The following RAP1GDS1 variants were observed in gnomAD, a reference collection of about 807,000 sequenced individuals.
RAP1GDS1 encodes the protein Rap1 GTPase-GDP dissociation stimulator 1.
In RAP1GDS1, 35 loss-of-function variants were observed where a neutral mutation model predicts 71.1. The observed-to-expected ratio is 0.49, with a 90% CI of 0.38 to 0.65. The LOEUF (loss-of-function observed/expected upper bound fraction) is 0.65. Among genes scored for constraint, RAP1GDS1 ranks in the 30% least tolerant of loss-of-function variants. The probability of loss-of-function intolerance (pLI) is 0.00; values close to 1 mark genes in which losing one functional copy is unlikely to be tolerated. For missense variants in RAP1GDS1, 663 were observed against 706.1 expected, an observed-to-expected ratio of 0.94 and a Z score of 0.69; for synonymous variants, 229 against 243.1, an observed-to-expected ratio of 0.94 and a Z score of 0.54.
intron 5 of RAP1GDS1, among the ~76,000 whole-genome samples, chr4:98,381,188 T>C (rs965875887): frequency 6.6e-6 from 1 of 151,666 alleles, no homozygotes; most frequent in Admixed American, 6.6e-5. Context: ...TGAATATTAT[T>C]AGACAAATGG....
chr4:98,268,175 A>C (rs1722960550), intron 1 of RAP1GDS1, among the ~76,000 whole-genome samples: 1 of 152,202 alleles, frequency 6.6e-6, no homozygotes, highest in South Asian at 2.1e-4. Context: ...TACACAAATC[A>C]ATAAATGTGA....
intron 1 of RAP1GDS1, among the ~76,000 whole-genome samples, chr4:98,279,428 GTA>G (rs1409720813): frequency 6.6e-6 from 1 of 150,650 alleles, no homozygotes; most frequent in African/African-American, 2.4e-5. Context: ...ATATAAAAAA[GTA>G]TATAATTTCA....
intron 12 of RAP1GDS1, among the ~76,000 whole-genome samples, chr4:98,424,820 A>G (rs1298556672): frequency 1.3e-5 from 2 of 152,166 alleles, no homozygotes; most frequent in Admixed American, 1.3e-4. Context: ...ATTTGGGAGA[A>G]TAATCAAGGA....
chr4:98,376,224 A>G (rs1741162806), intron 4 of RAP1GDS1, among the ~76,000 whole-genome samples: 1 of 152,076 alleles, frequency 6.6e-6, no homozygotes, highest in Non-Finnish European at 1.5e-5. Context: ...GATGTAAATT[A>G]TATTTTTAGA....
chr4:98,369,079 G>A (rs1386832105), intron 4 of RAP1GDS1, among the ~76,000 whole-genome samples: 1 of 152,174 alleles, frequency 6.6e-6, no homozygotes, highest in East Asian at 1.9e-4. Flanking sequence ...AAGAGAGCTT[G>A]TGCAGGGGAA....
chr4:98,360,412 T>G (rs931010358), intron 4 of RAP1GDS1, among the ~76,000 whole-genome samples: 1 of 142,436 alleles, frequency 7.0e-6, no homozygotes, highest in African/African-American at 2.5e-5. Context: ...TTTCCTTTCC[T>G]CATTAAGAGG....
intron 12 of RAP1GDS1, among the ~76,000 whole-genome samples, chr4:98,428,614 A>G (rs910943593): frequency 2.0e-5 from 3 of 152,240 alleles, no homozygotes; most frequent in African/African-American, 7.2e-5. Context: ...ACTAATGATC[A>G]GGGAAATGCA....
At chr4:98,357,113 A>G (rs1445327591) in intron 4 of RAP1GDS1, among the ~76,000 whole-genome samples, 2 of 151,952 alleles carry the variant, frequency 1.3e-5, no homozygotes, top group Non-Finnish European at 2.9e-5. Context: ...GAAATTGCCA[A>G]AGTAATCAAA....
At chr4:98,281,624 G>A (rs1052247099) in intron 1 of RAP1GDS1, among the ~76,000 whole-genome samples, 2 of 152,080 alleles carry the variant, frequency 1.3e-5, no homozygotes, top group African/African-American at 4.8e-5. Context: ...TGACTGCCCT[G>A]GCGAGAACTT....
At chr4:98,385,948 C>G (rs568575349) in intron 5 of RAP1GDS1, among the ~76,000 whole-genome samples, 32 of 151,800 alleles carry the variant, frequency 2.1e-4, no homozygotes, top group African/African-American at 5.8e-4. Context: ...TAAATTTATA[C>G]TTACTGTAGA....
chr4:98,298,984 T>G (rs1339891474), intron 2 of RAP1GDS1, among the ~76,000 whole-genome samples: 1 of 152,216 alleles, frequency 6.6e-6, no homozygotes, highest in African/African-American at 2.4e-5. Flanking sequence ...GGTATACATG[T>G]GCCATGTTGG....
chr4:98,310,235 T>A (rs1730007430), intron 2 of RAP1GDS1, among the ~76,000 whole-genome samples: 1 of 152,098 alleles, frequency 6.6e-6, no homozygotes. Context: ...CATTGTGCTA[T>A]CTCACAATAA....
chr4:98,375,843 A>G lies in RAP1GDS1; in HGVS notation c.362-3174A>G, dbSNP rs142543662. Among the ~76,000 whole-genome samples the G allele has an allele frequency of 7.9e-5, 12 of 152,280 alleles. No homozygotes were observed. The East Asian group carries it at 2.3e-3, about 29-fold the overall frequency. The stretch of plus-strand genomic sequence containing the variant: ...AAACGTAGTAAAATCCAAAGTTAGG[A>G]TGCACTGTACGACATGCCACAATAG... On this transcript the variant is annotated intron_variant, in intron 4 of 14. Coordinates refer to ENST00000408927, the MANE Select transcript of RAP1GDS1 (RefSeq NM_001100427.2).
intron 2 of RAP1GDS1, among the ~76,000 whole-genome samples, chr4:98,336,322 T>A (rs1460879094): frequency 6.6e-6 from 1 of 152,200 alleles, no homozygotes; most frequent in Non-Finnish European, 1.5e-5. Context: ...ACTCTTAAAT[T>A]TTTTAGCAAC....
At chr4:98,406,531 C>T (rs1456411172) in intron 7 of RAP1GDS1, among the ~76,000 whole-genome samples, 1 of 151,880 alleles carries the variant, frequency 6.6e-6, no homozygotes, top group African/African-American at 2.4e-5. Flanking sequence ...GGAGCAAAAA[C>T]ATTCAGAACT....
intron 7 of RAP1GDS1, among the ~76,000 whole-genome samples, chr4:98,406,760 T>G (rs1382466277): frequency 1.3e-5 from 2 of 152,002 alleles, no homozygotes; most frequent in Non-Finnish European, 2.9e-5. Context: ...AGAAAGAAAT[T>G]TCAAAAGATT....
intron 2 of RAP1GDS1, among the ~76,000 whole-genome samples, chr4:98,295,646 A>C (rs1006788480): frequency 6.6e-5 from 10 of 152,122 alleles, no homozygotes; most frequent in African/African-American, 2.4e-5. Context: ...CTCTTGATTT[A>C]CAAAATAAAA....
At chr4:98,315,787 G>A (rs1338539868) in intron 2 of RAP1GDS1, among the ~76,000 whole-genome samples, 1 of 152,134 alleles carries the variant, frequency 6.6e-6, no homozygotes, top group Non-Finnish European at 1.5e-5. Flanking sequence ...TCAGTGTGGA[G>A]ACAGTGTGAA....
intron 6 of RAP1GDS1, among the ~76,000 whole-genome samples, chr4:98,402,675 G>T (rs1745604323): frequency 6.6e-6 from 1 of 152,034 alleles, no homozygotes; most frequent in Non-Finnish European, 1.5e-5. Context: ...TGTTAAATTT[G>T]CAAATTTCTT....
Sources: gnomAD v4.1 joint callset for allele counts (sites outside exome capture counted in the v4.1 genomes callset) on GRCh38, gnomAD v4.1.1 for gene constraint, MANE v1.5 for transcripts, NCBI Gene and HGNC (gene_info 2026-07-23, HGNC 2026-07-21) for gene names.